EEF2K: variants seen among roughly 807,000 people sequenced by gnomAD.
EEF2K encodes eukaryotic elongation factor 2 kinase, also known as alternative protein EEF2K.
EEF2K carries 70 observed loss-of-function variants against 93.8 expected under a neutral mutation model. That is an observed-to-expected ratio of 0.75 (90% CI 0.62 to 0.91). The LOEUF (loss-of-function observed/expected upper bound fraction) is 0.91, where lower values mean the gene tolerates loss of function less well. EEF2K is among the 40% of genes least tolerant of loss of function. The pLI, the probability that EEF2K is intolerant of heterozygous loss-of-function variation, is 0.00. For missense variants in EEF2K, 935 were observed against 972.9 expected (o/e 0.96, Z 0.52); for synonymous variants, 376 against 380.8 (o/e 0.99, Z 0.15).
intron 7 of EEF2K, 142 bp from the exon 8 acceptor site, chr16:22,257,111 T>G: frequency 1.1e-5 from 16 of 1,456,126 alleles, no homozygotes; most frequent in Non-Finnish European, 1.4e-5. Context: ...CCTGCCCAAC[T>G]GAAGAGGCCT....
Position 22,221,476 on chromosome 16 carries a change from TA to T in EEF2K, c.-76-4166del, listed in dbSNP as rs57921163. On this transcript the variant is annotated intron_variant, in intron 1 of 17. Coordinates refer to ENST00000263026, the MANE Select transcript of EEF2K (RefSeq NM_013302.5). Reference sequence around the variant, plus strand: ...GCAACCTGTCTCTAAAAATAACATTTAAAAAAAAAAAATAGCAAGAGCGCAT... The same window carrying T: ...GCAACCTGTCTCTAAAAATAACATTTAAAAAAAAAAATAGCAAGAGCGCAT... Among the ~76,000 whole-genome samples the T allele has an allele frequency of 9.2e-3, 1,328 of 144,520 alleles. 17 individuals are homozygous for T. Among genetic ancestry groups the T allele is most frequent in the African/African-American group, 0.029 (1,134 of 39,558 alleles). The allele number at this position is 144,520 out of a possible 152,430, so 94.8% of individuals were successfully genotyped here.
intron 12 of EEF2K, among the ~76,000 whole-genome samples, chr16:22,264,339 G>A (rs1294631248): frequency 6.6e-6 from 1 of 150,376 alleles, no homozygotes; most frequent in African/African-American, 2.5e-5. Flanking sequence ...GGGCCTGGTG[G>A]CTCACCTGCA....
intron 11 of EEF2K, among the ~76,000 whole-genome samples, chr16:22,262,651 G>A (rs764288246): frequency 2.0e-5 from 3 of 152,088 alleles, no homozygotes; most frequent in Non-Finnish European, 4.4e-5. Flanking sequence ...GTCACTCTCA[G>A]TAAAGCACTT....
chr16:22,255,745 T>TA (rs1485442906), intron 6 of EEF2K, among the ~76,000 whole-genome samples: 1 of 151,774 alleles, frequency 6.6e-6, no homozygotes, highest in Admixed American at 6.6e-5. Flanking sequence ...CTCGTCTCTA[T>TA]AAAAAAATTT....
intron 15 of EEF2K, 97 bp downstream of exon 15, chr16:22,266,973 C>A: frequency 7.0e-7 from 1 of 1,421,678 alleles, no homozygotes; most frequent in Non-Finnish European, 9.5e-7. Flanking sequence ...CATTCACCTG[C>A]CTTCTATCCT....
intron 6 of EEF2K, among the ~76,000 whole-genome samples, chr16:22,252,505 C>T (rs1157778156): frequency 2.0e-5 from 3 of 152,198 alleles, no homozygotes; most frequent in Non-Finnish European, 2.9e-5. Flanking sequence ...TATTGCCGAG[C>T]CAATCACAGT....
At chr16:22,265,092 G>A in intron 13 of EEF2K, 2 of 549,358 alleles carry the variant, frequency 3.6e-6, no homozygotes, top group Non-Finnish European at 6.5e-6. Flanking sequence ...TTAGAGAAGA[G>A]CAGCTCAGCC....
rs571885221 is a variant in EEF2K, at chr16:22,235,912, C to A, written c.247-8718C>A. ...TCCTGAGCTCAAGTGATCCTCCCACCCCAGCTCCCCAGGTAGTTGGGACTA... is the reference window on the plus strand; with the variant it reads ...TCCTGAGCTCAAGTGATCCTCCCACACCAGCTCCCCAGGTAGTTGGGACTA... On this transcript the variant is annotated intron_variant, in intron 2 of 17. Coordinates refer to ENST00000263026, the MANE Select transcript of EEF2K (RefSeq NM_013302.5). Among the ~76,000 whole-genome samples, 8 of 152,250 alleles carry A rather than the reference C, an allele frequency of 5.3e-5. No individual in the cohort carries two copies. In the South Asian group the frequency reaches 1.7e-3, roughly 32 times the overall value.
At chr16:22,232,930 A>G (rs989489727) in intron 2 of EEF2K, among the ~76,000 whole-genome samples, 2 of 151,952 alleles carry the variant, frequency 1.3e-5, no homozygotes, top group African/African-American at 4.8e-5. Flanking sequence ...GTTTAACCAA[A>G]ATGGCCCGCT....
At chr16:22,223,262 G>GTTTTTTTTTTTTT (rs58446693) in intron 1 of EEF2K, among the ~76,000 whole-genome samples, 1 of 107,470 alleles carries the variant, frequency 9.3e-6, no homozygotes, top group African/African-American at 3.4e-5. Flanking sequence ...GTTTTTTTCT[G>GTTTTTTTTTTTTT]TTTTTTTTTT....
intron 2 of EEF2K, among the ~76,000 whole-genome samples, chr16:22,238,066 G>T (rs1477976055): frequency 6.6e-6 from 1 of 152,168 alleles, no homozygotes; most frequent in Non-Finnish European, 1.5e-5. Flanking sequence ...AAGGTGAGTG[G>T]ATCACCTGAG....
intron 1 of EEF2K, among the ~76,000 whole-genome samples, chr16:22,224,907 C>T (rs535856694): frequency 4.6e-5 from 7 of 150,952 alleles, no homozygotes; most frequent in South Asian, 2.1e-4. Flanking sequence ...GAGCCAAGAT[C>T]GCACCATTGC....
chr16:22,211,929 G>C, intron 1 of EEF2K, among the ~76,000 whole-genome samples: 1 of 152,006 alleles, frequency 6.6e-6, no homozygotes, highest in East Asian at 1.9e-4. Context: ...GGCCCCTTTT[G>C]TTCAAGACAC....
chr16:22,255,746 A>T (rs1211885604), intron 6 of EEF2K, among the ~76,000 whole-genome samples: 2 of 151,918 alleles, frequency 1.3e-5, no homozygotes, highest in Non-Finnish European at 2.9e-5. Flanking sequence ...TCGTCTCTAT[A>T]AAAAAATTTA....
intron 2 of EEF2K, among the ~76,000 whole-genome samples, chr16:22,228,765 G>C (rs1204393595): frequency 6.6e-6 from 1 of 152,252 alleles, no homozygotes; most frequent in South Asian, 2.1e-4. Flanking sequence ...TGGACAGCTC[G>C]AGCTTCGGGG....
chr16:22,246,232 CAGA>C (rs1348106290), intron 3 of EEF2K, among the ~76,000 whole-genome samples: 1 of 152,100 alleles, frequency 6.6e-6, no homozygotes, highest in Non-Finnish European at 1.5e-5. Context: ...ACAAAGGGTA[CAGA>C]AGAAGACTGG....
At position 22,284,183 on chromosome 16, in the gene EEF2K, C is replaced by G. The variant is rs2047729430; in HGVS notation, c.*187C>G. 2 of 607,878 alleles carry G rather than the reference C, an allele frequency of 3.3e-6. No individual in the cohort carries two copies. The highest frequency in any genetic ancestry group is 2.9e-6 in the Non-Finnish European group (1 of 344,746). 37.7% of individuals were successfully genotyped at this position (607,878 alleles called of 1,614,324 possible). A position where few individuals can be genotyped will look rare whatever the true frequency, so the allele number is the denominator to read the frequency against. ...GCTCCTTGGCAGCTACCAGCAGAGA[C>G]TCTATAGCTGTCTCTTAGGGCAGTA... is the stretch of plus-strand genomic sequence containing the variant. On this transcript the variant is annotated 3_prime_UTR_variant, in exon 18 of 18. Transcript: ENST00000263026.
intron 1 of EEF2K, among the ~76,000 whole-genome samples, chr16:22,222,644 C>T (rs2047025274): frequency 1.4e-5 from 2 of 145,314 alleles, no homozygotes; most frequent in Non-Finnish European, 3.0e-5. Flanking sequence ...CTGAGGTGGG[C>T]AGATCACAAG....
Position 22,248,791 on chromosome 16 carries a change from A to T in EEF2K, c.384A>T (p.Glu128Asp). The T allele has an allele frequency of 3.1e-6, 5 of 1,613,988 alleles. No individual in the cohort carries two copies. Among genetic ancestry groups the T allele is most frequent in the South Asian group, 1.1e-5 (1 of 91,078 alleles). ...TCACCGGGGAATGGCTGGATGATGA[A>T]GTTCTGATCAAGATGGCATCTCAGG... ...NAVTGEWLDDEVLIKMASQPF... is the reference protein window; with the variant it reads ...NAVTGEWLDDDVLIKMASQPF... The change falls in exon 4 of 18, where the codon GAA becomes GAT. Residue 128 changes from glutamate to aspartate, a missense_variant. Glu to Asp is a conservative substitution (Grantham distance 45, BLOSUM62 2). Transcript: ENST00000263026.
Sources: gnomAD v4.1 joint callset for allele counts (sites outside exome capture counted in the v4.1 genomes callset) on GRCh38, gnomAD v4.1.1 for gene constraint, MANE v1.5 for transcripts, NCBI Gene and HGNC (gene_info 2026-07-23, HGNC 2026-07-21) for gene names.